The following FMN1 variants were observed in gnomAD, a reference collection of about 807,000 sequenced individuals.
FMN1 encodes formin-1.
FMN1 carries 110 observed loss-of-function variants against 132.4 expected under a neutral mutation model. The ratio of observed to expected loss-of-function variants is 0.83; its 90% CI spans 0.71 to 0.97. The LOEUF is 0.97. Ranked by LOEUF, FMN1 falls within the 50% of genes least tolerant of loss-of-function variation. FMN1 has a pLI of 0.00. For synonymous variants in FMN1, 722 were observed against 651.7 expected, an observed-to-expected ratio of 1.11 and a Z score of -1.64; for missense variants, 1,792 against 1,705.3, an observed-to-expected ratio of 1.05 and a Z score of -0.90.
At chr15:32,840,915 A>C (rs2058732073) in intron 17 of FMN1, among the ~76,000 whole-genome samples, 1 of 152,248 alleles carries the variant, frequency 6.6e-6, no homozygotes, top group Non-Finnish European at 1.5e-5. Flanking sequence ...CACCCTCCCC[A>C]GTCTTTGAAA....
At chr15:32,892,524 T>C (rs1422181484) in intron 15 of FMN1, among the ~76,000 whole-genome samples, 1 of 152,182 alleles carries the variant, frequency 6.6e-6, no homozygotes, top group Non-Finnish European at 1.5e-5. Context: ...GTTTTCGTTT[T>C]TGGTTATGTC....
At chr15:33,177,286 A>G (rs1350653977) in intron 3 of FMN1, among the ~76,000 whole-genome samples, 1 of 152,212 alleles carries the variant, frequency 6.6e-6, no homozygotes, top group Non-Finnish European at 1.5e-5. Context: ...CTACTCATTT[A>G]CTAATTCCTC....
rs551532024 is a variant in FMN1 at position 33,105,605 on chromosome 15, G to A, written c.1868-16631C>T. Among the ~76,000 whole-genome samples, 4 of 152,208 alleles carry A rather than the reference G, an allele frequency of 2.6e-5. No homozygotes were observed. In the South Asian group the frequency reaches 8.3e-4, roughly 32 times the overall value. ...ACAGACTATATGGCTTTGAGATCAG[G>A]CGGAAAAATAGGGAATCTTGACTAA... On this transcript the variant is annotated intron_variant, in intron 4 of 20. Coordinates refer to ENST00000616417, the MANE Select transcript of FMN1 (RefSeq NM_001277313.2).
intron 4 of FMN1, among the ~76,000 whole-genome samples, chr15:33,110,530 G>A (rs532258388): frequency 2.5e-4 from 38 of 151,930 alleles, no homozygotes; most frequent in African/African-American, 8.0e-4. Flanking sequence ...GTAACAAAAA[G>A]GTAAAATTCT....
At chr15:32,889,084 G>C (rs1218582330) in intron 15 of FMN1, among the ~76,000 whole-genome samples, 2 of 151,958 alleles carry the variant, frequency 1.3e-5, no homozygotes, top group African/African-American at 4.8e-5. Flanking sequence ...CTAACTCCTG[G>C]GCTCAAGCGA....
chr15:32,957,306 T>TGTTTTTG lies in FMN1; in HGVS notation c.3138+6800_3138+6801insCAAAAAC, dbSNP rs71113490. ...AGTTTATCAGAGCAGTTCTTTTTTT[T>TGTTTTTG]TTTTTTTTTTTTTTTTTTTACAGGA... is the stretch of plus-strand genomic sequence containing the variant. On this transcript the variant is annotated intron_variant, in intron 9 of 20. Transcript: ENST00000616417. Among the ~76,000 whole-genome samples, 6 of 143,458 alleles carry TGTTTTTG rather than the reference T, an allele frequency of 4.2e-5. No individual in the cohort carries two copies. The East Asian group carries it at 1.0e-3, about 24-fold the overall frequency. The allele number at this position is 143,458 out of a possible 152,430, so 94.1% of individuals were successfully genotyped here.
intron 5 of FMN1, among the ~76,000 whole-genome samples, chr15:33,074,568 T>C (rs2038125374): frequency 6.6e-6 from 1 of 152,174 alleles, no homozygotes; most frequent in Non-Finnish European, 1.5e-5. Flanking sequence ...TATCAAAGCT[T>C]CTGTAGAAAT....
chr15:32,955,726 G>A (rs1331134714), intron 9 of FMN1, among the ~76,000 whole-genome samples: 1 of 152,108 alleles, frequency 6.6e-6, no homozygotes, highest in Admixed American at 6.5e-5. Flanking sequence ...TTTCCAAACA[G>A]ATAACCCCAA....
intron 3 of FMN1, among the ~76,000 whole-genome samples, chr15:33,168,966 T>C (rs1006463428): frequency 1.3e-5 from 2 of 152,230 alleles, no homozygotes; most frequent in African/African-American, 4.8e-5. Flanking sequence ...TAAACTGAGC[T>C]GCTCTGGGAA....
At chr15:32,802,551 T>A (rs1244557109) in intron 18 of FMN1, among the ~76,000 whole-genome samples, 1 of 152,188 alleles carries the variant, frequency 6.6e-6, no homozygotes, top group Non-Finnish European at 1.5e-5. Flanking sequence ...ATATTTCATG[T>A]ATGACATGAA....
Position 32,769,879 on chromosome 15 carries a change from G to A in FMN1, c.*4431C>T, listed in dbSNP as rs2056170663. 1 of 152,146 alleles carries A rather than the reference G, an allele frequency of 6.6e-6. No homozygotes were observed. Among genetic ancestry groups the A allele is most frequent in the East Asian group, 1.9e-4 (1 of 5,198 alleles). 9.4% of individuals were successfully genotyped at this position (152,146 alleles called of 1,614,324 possible). A position where few individuals can be genotyped will look rare whatever the true frequency, so the allele number is the denominator to read the frequency against. Reference sequence around the variant, plus strand: ...AATACAAAACAAATTTTAAAAAGTGGAAGCTTTTTCTTTCCTCTCCACTTT... The same window carrying A: ...AATACAAAACAAATTTTAAAAAGTGAAAGCTTTTTCTTTCCTCTCCACTTT... On this transcript the variant is annotated 3_prime_UTR_variant, in exon 21 of 21. Transcript: ENST00000616417.
chr15:32,787,319 A>C (rs143949752), intron 19 of FMN1, among the ~76,000 whole-genome samples: 56 of 152,328 alleles, frequency 3.7e-4, no homozygotes, highest in African/African-American at 1.3e-3. Flanking sequence ...GGGTAACCCC[A>C]AGTTCATTTA....
At chr15:32,798,216 A>ACACACACACACACCCC (rs1286307994) in intron 19 of FMN1, among the ~76,000 whole-genome samples, 2 of 140,876 alleles carry the variant, frequency 1.4e-5, no homozygotes, top group African/African-American at 5.2e-5. Flanking sequence ...ACACACACAC[A>ACACACACACACACCCC]CCCCGTCTAT....
At chr15:33,106,972 A>G (rs889254727) in intron 4 of FMN1, among the ~76,000 whole-genome samples, 1 of 152,028 alleles carries the variant, frequency 6.6e-6, no homozygotes, top group South Asian at 2.1e-4. Context: ...GTATCTGGCC[A>G]TAAGCTCTCG....
chr15:32,864,167 T>C (rs1176746687), intron 16 of FMN1, among the ~76,000 whole-genome samples: 5 of 152,186 alleles, frequency 3.3e-5, no homozygotes, highest in Non-Finnish European at 7.4e-5. Context: ...TTCAAGTTGA[T>C]TTAAGCCAAA....
intron 16 of FMN1, among the ~76,000 whole-genome samples, chr15:32,859,364 C>T (rs942091522): frequency 1.3e-5 from 2 of 152,174 alleles, no homozygotes; most frequent in African/African-American, 4.8e-5. Flanking sequence ...AGCTCTATTT[C>T]CCACATGTAT....
At chr15:32,791,256 T>TAAAAA (rs34636398) in intron 19 of FMN1, among the ~76,000 whole-genome samples, 1 of 141,662 alleles carries the variant, frequency 7.1e-6, no homozygotes. Context: ...AGCTTTAGTG[T>TAAAAA]AAAAAAAAAA....
intron 16 of FMN1, among the ~76,000 whole-genome samples, chr15:32,871,344 G>A (rs1383544557): frequency 6.6e-6 from 1 of 152,140 alleles, no homozygotes; most frequent in East Asian, 1.9e-4. Context: ...TTTTATGGGG[G>A]TTGCCTTACT....
At position 33,065,038 on chromosome 15, in the gene FMN1, G is replaced by A; in HGVS notation, c.2080C>T (p.Pro694Ser). 6.2e-7 allele frequency: 1 copy of A among 1,611,480 alleles called. No individual in the cohort carries two copies. The highest frequency in any genetic ancestry group is 8.5e-7 in the Non-Finnish European group (1 of 1,178,768). ...GGCCAGACAGCTTGAAGTCTGCCAGGAGTCCTGTCATCCTGCTCAGTCAGG... is the reference window on the plus strand; with the variant it reads ...GGCCAGACAGCTTGAAGTCTGCCAGAAGTCCTGTCATCCTGCTCAGTCAGG... ...HSLTEQDDRTPGRLQAVWPPP... is the reference protein window; with the variant it reads ...HSLTEQDDRTSGRLQAVWPPP... Residue 694 changes from proline to serine, a missense_variant, in exon 6 of 21, where the codon CCT becomes TCT. Pro to Ser is a moderately conservative substitution (Grantham distance 74). Around this residue, in one of 3 missense-constraint regions of FMN1, gnomAD observed 1,150 missense variants for 1,043.1 expected, o/e 1.10. Coordinates refer to ENST00000616417, the MANE Select transcript of FMN1 (RefSeq NM_001277313.2).
Sources: gnomAD v4.1 joint callset for allele counts (sites outside exome capture counted in the v4.1 genomes callset) on GRCh38, gnomAD v4.1.1 for gene constraint, gnomAD v4.1.1 regional missense constraint, MANE v1.5 for transcripts, NCBI Gene and HGNC (gene_info 2026-07-23, HGNC 2026-07-21) for gene names.